SGK3: variants seen among roughly 807,000 people sequenced by gnomAD.
The protein encoded by SGK3 is serum/glucocorticoid regulated kinase family member 3.
A neutral mutation model predicts 68.5 loss-of-function variants in SGK3; 47 were observed. The observed-to-expected ratio is 0.69, with a 90% CI of 0.54 to 0.87. The LOEUF (loss-of-function observed/expected upper bound fraction) is 0.87, where lower values mean the gene tolerates loss of function less well. SGK3 is among the 40% of genes least tolerant of loss of function. SGK3 has a pLI of 0.00. For synonymous variants in SGK3, 181 were observed against 189.1 expected (o/e 0.96, Z 0.35); for missense variants, 479 against 575.5 (o/e 0.83, Z 1.72).
chr8:66,825,591 G>A (rs1193490962), intron 6 of SGK3, among the ~76,000 whole-genome samples: 1 of 152,098 alleles, frequency 6.6e-6, no homozygotes, highest in Non-Finnish European at 1.5e-5. Flanking sequence ...ACCGGCATGA[G>A]CCACCTCGTC....
intron 1 of SGK3, among the ~76,000 whole-genome samples, chr8:66,725,853 C>A (rs933286315): frequency 6.6e-6 from 1 of 152,022 alleles, no homozygotes; most frequent in African/African-American, 2.4e-5. Flanking sequence ...AAGTTATCTG[C>A]GGTATTTTGC....
At chr8:66,784,795 C>T (rs982974379) in intron 1 of SGK3, among the ~76,000 whole-genome samples, 6 of 152,004 alleles carry the variant, frequency 3.9e-5, no homozygotes, top group Non-Finnish European at 7.4e-5. Context: ...TTTATCATAG[C>T]GTTTCACCCA....
chr8:66,822,333 T>C (rs773670615), intron 5 of SGK3, 39 bp from the exon 6 acceptor site: 24 of 1,566,046 alleles, frequency 1.5e-5, no homozygotes, highest in Non-Finnish European at 2.1e-5. Flanking sequence ...GCTGTAGAAA[T>C]GCTTTTGAAG....
intron 1 of SGK3, among the ~76,000 whole-genome samples, chr8:66,734,113 A>C (rs898258943): frequency 3.9e-5 from 6 of 152,196 alleles, no homozygotes; most frequent in Admixed American, 1.3e-4. Context: ...AGATCATGCA[A>C]AGCTGTTGGA....
intron 7 of SGK3, among the ~76,000 whole-genome samples, chr8:66,830,505 A>T (rs1809260280): frequency 6.6e-6 from 1 of 152,188 alleles, no homozygotes. Flanking sequence ...CTCTTCCCAT[A>T]CAACTTATGA....
intron 3 of SGK3, among the ~76,000 whole-genome samples, chr8:66,803,797 C>G (rs1313883910): frequency 6.6e-6 from 1 of 152,004 alleles, no homozygotes; most frequent in Non-Finnish European, 1.5e-5. Context: ...GCTGGGACCA[C>G]AGGCATATGC....
chr8:66,858,567 GA>G (rs1458646413), intron 16 of SGK3, among the ~76,000 whole-genome samples: 1 of 152,022 alleles, frequency 6.6e-6, no homozygotes, highest in African/African-American at 2.4e-5. Context: ...AGAGAAAGGG[GA>G]TCAGTGACAA....
intron 1 of SGK3, among the ~76,000 whole-genome samples, chr8:66,783,562 G>C (rs1198552379): frequency 3.9e-5 from 6 of 152,198 alleles, no homozygotes; most frequent in African/African-American, 1.4e-4. Context: ...CTGGCACCCG[G>C]CCTGGAGTAC....
intron 16 of SGK3, among the ~76,000 whole-genome samples, chr8:66,853,008 T>C (rs895826955): frequency 6.6e-6 from 1 of 152,264 alleles, no homozygotes; most frequent in Non-Finnish European, 1.5e-5. Flanking sequence ...TCCCTGCTCT[T>C]CTATGATTAA....
chr8:66,776,741 G>T (rs544569180), intron 1 of SGK3, among the ~76,000 whole-genome samples: 1 of 152,218 alleles, frequency 6.6e-6, no homozygotes, highest in South Asian at 2.1e-4. Context: ...ATCCTGCTTG[G>T]TAGCTTAATT....
rs1809168719 is a variant in SGK3, at chr8:66,828,690, T to A, written c.454T>A (p.Ser152Thr). 6.2e-7 allele frequency: 1 copy of A among 1,613,840 alleles called. No individual in the cohort carries two copies. Among genetic ancestry groups the A allele is most frequent in the African/African-American group, 1.3e-5 (1 of 74,908 alleles). ...CTCACAGAACATCAACCTGGGACCG[T>A]CTGGAAATCCTCAGTATGTTTAATT... ...STSQNINLGPSGNPHAKPTDF... is the reference protein window; with the variant it reads ...STSQNINLGPTGNPHAKPTDF... Residue 152 changes from serine (S) to threonine (T), a missense_variant, in exon 7 of 17, where the codon TCT (serine) becomes ACT (threonine). By Grantham distance (58) the Ser-to-Thr change is moderately conservative. This residue lies in a region of SGK3 where 298 missense variants were observed against 329.4 expected (regional missense o/e 0.90). Transcript: ENST00000521198.
intron 10 of SGK3, 102 bp downstream of exon 10, chr8:66,836,176 C>A: frequency 7.1e-7 from 1 of 1,403,600 alleles, no homozygotes; most frequent in Non-Finnish European, 9.6e-7. Flanking sequence ...AAATCAGTAG[C>A]TTTTTATAGC....
intron 1 of SGK3, among the ~76,000 whole-genome samples, chr8:66,748,116 A>G (rs1805703007): frequency 6.6e-6 from 1 of 152,192 alleles, no homozygotes; most frequent in South Asian, 2.1e-4. Context: ...TTATTGAGGT[A>G]TGTGAAGCAT....
intron 1 of SGK3, among the ~76,000 whole-genome samples, chr8:66,785,379 A>G (rs758176428): frequency 2.0e-5 from 3 of 152,210 alleles, no homozygotes; most frequent in Non-Finnish European, 4.4e-5. Flanking sequence ...AGAGGTTGCT[A>G]TGAGGACTCA....
At chr8:66,745,110 A>G (rs1345117143) in intron 1 of SGK3, among the ~76,000 whole-genome samples, 1 of 151,620 alleles carries the variant, frequency 6.6e-6, no homozygotes, top group Non-Finnish European at 1.5e-5. Context: ...TAATAGACAA[A>G]ACCCATTTGT....
chr8:66,811,152 A>T (rs540001039), intron 4 of SGK3, among the ~76,000 whole-genome samples: 2 of 152,242 alleles, frequency 1.3e-5, no homozygotes, highest in South Asian at 4.2e-4. Flanking sequence ...AGTAGCTAGG[A>T]CTACAGATGT....
chr8:66,817,238 C>A (rs1808626633), intron 5 of SGK3, among the ~76,000 whole-genome samples: 1 of 151,998 alleles, frequency 6.6e-6, no homozygotes, highest in African/African-American at 2.4e-5. Flanking sequence ...GGAGACCATC[C>A]TGGCCAATAT....
Position 66,723,089 on chromosome 8 carries a change from TCATATATATATA to T in SGK3, c.-122+10257_-122+10268del, listed in dbSNP as rs1242249207. The stretch of plus-strand genomic sequence containing the variant: ...TAAACATTCAGAAGTAAGATTTTGT[TCATATATATATA>T]TATATATATATATATATATATATAT... On this transcript the variant is annotated intron_variant, in intron 1 of 16. Transcript: ENST00000521198. 8.3e-3 allele frequency among the ~76,000 whole-genome samples: 479 copies of T among 57,370 alleles called. 13 individuals are homozygous for T. Among genetic ancestry groups the T allele is most frequent in the South Asian group, 0.017 (26 of 1,522 alleles). 37.6% of individuals were successfully genotyped at this position (57,370 alleles called of 152,430 possible).
intron 1 of SGK3, among the ~76,000 whole-genome samples, chr8:66,751,589 AT>A (rs1247558941): frequency 1.3e-5 from 2 of 152,058 alleles, no homozygotes; most frequent in African/African-American, 4.8e-5. Flanking sequence ...ATGGTATGAC[AT>A]TTTGAATTAT....
Sources: allele counts gnomAD v4.1 joint callset (sites outside exome capture counted in the v4.1 genomes callset), GRCh38; gene constraint gnomAD v4.1.1; regional missense constraint gnomAD v4.1.1; transcripts MANE v1.5; gene names NCBI Gene and HGNC (gene_info 2026-07-23, HGNC 2026-07-21).